Variants in LRRC4C observed in about 807,000 individuals in gnomAD.
LRRC4C encodes the protein leucine-rich repeat-containing protein 4C.
Under a neutral mutation model 33.6 loss-of-function variants are expected in LRRC4C, and 5 were observed. That is an observed-to-expected ratio of 0.15 (90% CI 0.08 to 0.31). The LOEUF is 0.31. LRRC4C is among the 10% of genes least tolerant of loss of function. The pLI is 1.00. For missense variants in LRRC4C, 560 were observed against 796.7 expected (o/e 0.70, Z 3.58); for synonymous variants, 329 against 302.0 (o/e 1.09, Z -0.93).
At chr11:41,457,239 G>C (rs1452254802) in intron 1 of LRRC4C, among the ~76,000 whole-genome samples, 4 of 152,104 alleles carry the variant, frequency 2.6e-5, no homozygotes, top group Non-Finnish European at 5.9e-5. Flanking sequence ...AGCCTCAATG[G>C]AGAGAGGTAC....
At chr11:40,389,606 G>T (rs1266301568) in intron 3 of LRRC4C, among the ~76,000 whole-genome samples, 1 of 152,072 alleles carries the variant, frequency 6.6e-6, no homozygotes, top group Non-Finnish European at 1.5e-5. Context: ...ATTCCAAGTG[G>T]AGTAACATCT....
chr11:41,042,487 G>C (rs1278574291), intron 1 of LRRC4C, among the ~76,000 whole-genome samples: 1 of 152,170 alleles, frequency 6.6e-6, no homozygotes, highest in Non-Finnish European at 1.5e-5. Context: ...ACCATAAGGA[G>C]TGTAGGTGGA....
chr11:40,649,777 G>A (rs1942678229), intron 2 of LRRC4C, among the ~76,000 whole-genome samples: 2 of 152,128 alleles, frequency 1.3e-5, no homozygotes, highest in Non-Finnish European at 2.9e-5. Context: ...AATTATAAAA[G>A]TATTATTTGG....
chr11:40,516,822 T>C (rs1955578627), intron 3 of LRRC4C, among the ~76,000 whole-genome samples: 1 of 152,150 alleles, frequency 6.6e-6, no homozygotes, highest in Non-Finnish European at 1.5e-5. Flanking sequence ...ATTTTAATTA[T>C]TCCTTAGCTT....
intron 2 of LRRC4C, among the ~76,000 whole-genome samples, chr11:40,690,087 T>A (rs1447387954): frequency 6.6e-6 from 1 of 152,116 alleles, no homozygotes; most frequent in Non-Finnish European, 1.5e-5. Context: ...TAGACAGTTA[T>A]TTTCTGTGAA....
chr11:40,411,082 C>G (rs80144805), intron 3 of LRRC4C, among the ~76,000 whole-genome samples: 1,724 of 152,154 alleles, frequency 0.011, 33 homozygotes, highest in African/African-American at 0.04. Context: ...CTCCTGATAT[C>G]ATAAAAGTAA....
chr11:41,256,231 A>C (rs1948794547), intron 1 of LRRC4C, among the ~76,000 whole-genome samples: 2 of 151,960 alleles, frequency 1.3e-5, no homozygotes, highest in South Asian at 4.1e-4. Context: ...GGGTGATAAC[A>C]TAACCAAGTA....
chr11:40,723,714 G>C (rs1029488017), intron 2 of LRRC4C, among the ~76,000 whole-genome samples: 1 of 152,030 alleles, frequency 6.6e-6, no homozygotes, highest in Non-Finnish European at 1.5e-5. Flanking sequence ...AGACTACAAA[G>C]CAACCAGCTA....
intron 2 of LRRC4C, among the ~76,000 whole-genome samples, chr11:40,767,914 A>G (rs1949551660): frequency 2.0e-5 from 3 of 152,052 alleles, no homozygotes; most frequent in Admixed American, 2.0e-4. Context: ...TTAAATAATT[A>G]AAAATACAGG....
chr11:40,271,315 A>G (rs949836912), intron 4 of LRRC4C, among the ~76,000 whole-genome samples: 9 of 152,130 alleles, frequency 5.9e-5, no homozygotes, highest in Non-Finnish European at 1.3e-4. Context: ...TAGGAGAGAG[A>G]CAGCAGAGCA....
intron 1 of LRRC4C, among the ~76,000 whole-genome samples, chr11:41,272,889 G>C (rs1949364563): frequency 6.6e-6 from 1 of 152,036 alleles, no homozygotes. Context: ...GAATATCTGT[G>C]ACCAGCTGCA....
At chr11:40,996,960 T>A (rs1312194175) in intron 1 of LRRC4C, among the ~76,000 whole-genome samples, 1 of 152,014 alleles carries the variant, frequency 6.6e-6, no homozygotes, top group Admixed American at 6.6e-5. Context: ...TTTTCAACAT[T>A]GGAGGGGATG....
At chr11:40,130,656 T>A (rs2134801135) in intron 6 of LRRC4C, among the ~76,000 whole-genome samples, 1 of 152,272 alleles carries the variant, frequency 6.6e-6, no homozygotes, top group East Asian at 1.9e-4. Flanking sequence ...CACTGCCAAA[T>A]GTCCCCTGGG....
chr11:41,402,441 A>G (rs570394883), intron 1 of LRRC4C, among the ~76,000 whole-genome samples: 73 of 152,188 alleles, frequency 4.8e-4, no homozygotes, highest in Middle Eastern at 3.4e-3. Context: ...GCTTATGTCC[A>G]TTGATAAAAG....
intron 3 of LRRC4C, among the ~76,000 whole-genome samples, chr11:40,330,326 T>A (rs1946302356): frequency 6.6e-6 from 1 of 152,090 alleles, no homozygotes; most frequent in South Asian, 2.1e-4. Flanking sequence ...TATAAAAATA[T>A]TATTTTTAAT....
At chr11:40,190,452 T>C (rs1326202959) in intron 5 of LRRC4C, among the ~76,000 whole-genome samples, 1 of 152,208 alleles carries the variant, frequency 6.6e-6, no homozygotes, top group Non-Finnish European at 1.5e-5. Context: ...GGACAAATTA[T>C]GTCCTCATGC....
At chr11:41,398,862 A>T (rs754129663) in intron 1 of LRRC4C, among the ~76,000 whole-genome samples, 45 of 151,922 alleles carry the variant, frequency 3.0e-4, no homozygotes, top group Non-Finnish European at 4.7e-4. Flanking sequence ...CTCTATAGGG[A>T]AGTTGTGTAG....
At chr11:40,289,856 C>A (rs1242240017) in intron 4 of LRRC4C, among the ~76,000 whole-genome samples, 1 of 152,108 alleles carries the variant, frequency 6.6e-6, no homozygotes, top group Non-Finnish European at 1.5e-5. Flanking sequence ...GATGGGAGGA[C>A]ACATTTCAGA....
At chr11:41,328,030 C>A (rs1210983784) in intron 1 of LRRC4C, among the ~76,000 whole-genome samples, 1 of 152,146 alleles carries the variant, frequency 6.6e-6, no homozygotes, top group African/African-American at 2.4e-5. Context: ...TTTGTAGGCA[C>A]CATGTCCTGG....
Sources: gnomAD v4.1 joint callset for allele counts (sites outside exome capture counted in the v4.1 genomes callset) on GRCh38, gnomAD v4.1.1 for gene constraint, MANE v1.5 for transcripts, NCBI Gene and HGNC (gene_info 2026-07-23, HGNC 2026-07-21) for gene names.